The following SRGAP2 variants were observed in gnomAD, a reference collection of about 807,000 sequenced individuals.
SRGAP2 encodes the protein SLIT-ROBO Rho GTPase-activating protein 2.
In SRGAP2, 15 loss-of-function variants were observed where a neutral mutation model predicts 57.2. The observed-to-expected ratio is 0.26, with a 90% CI of 0.18 to 0.40. The LOEUF (loss-of-function observed/expected upper bound fraction) is 0.40, where lower values mean the gene tolerates loss of function less well. SRGAP2 is among the 10% of genes least tolerant of loss of function. SRGAP2 has a pLI of 1.00. For synonymous variants in SRGAP2, 249 were observed against 248.0 expected, an observed-to-expected ratio of 1.00 and a Z score of -0.04; for missense variants, 520 against 669.6, an observed-to-expected ratio of 0.78 and a Z score of 2.47.
intron 2 of SRGAP2, among the ~76,000 whole-genome samples, chr1:206,257,762 T>C (rs1278826838): frequency 6.4e-5 from 8 of 125,560 alleles, no homozygotes; most frequent in Admixed American, 5.6e-4. Flanking sequence ...ATATACTATA[T>C]ATATACATGC....
chr1:206,401,207 C>T (rs1383205836), intron 7 of SRGAP2, among the ~76,000 whole-genome samples: 9 of 152,180 alleles, frequency 5.9e-5, no homozygotes, highest in East Asian at 1.9e-4. Context: ...TCCTCCTAAC[C>T]GCCTCACAGC....
intron 21 of SRGAP2, 148 bp downstream of exon 21, chr1:206,455,172 G>A (rs1363529679): frequency 5.5e-6 from 4 of 723,528 alleles, no homozygotes; most frequent in Non-Finnish European, 7.6e-6. Context: ...CATTGCTGCT[G>A]CAAGGCGGAC....
At chr1:206,209,805 T>G (rs1666194468) in intron 2 of SRGAP2, among the ~76,000 whole-genome samples, 1 of 151,238 alleles carries the variant, frequency 6.6e-6, no homozygotes, top group Non-Finnish European at 1.5e-5. Flanking sequence ...GTATAACCTA[T>G]GTACACACGT....
intron 4 of SRGAP2, among the ~76,000 whole-genome samples, chr1:206,366,896 G>A (rs1408941193): frequency 6.9e-6 from 1 of 143,950 alleles, no homozygotes; most frequent in Non-Finnish European, 1.5e-5. Flanking sequence ...CAAGACCAAA[G>A]CAAAGAACAC....
At chr1:206,306,536 C>T (rs1483207088) in intron 3 of SRGAP2, among the ~76,000 whole-genome samples, 4 of 152,062 alleles carry the variant, frequency 2.6e-5, no homozygotes, top group Non-Finnish European at 2.9e-5. Context: ...AACCTTCCAC[C>T]GTGTGGAAGG....
At chr1:206,231,709 T>TAGTAGAGA (rs1667650311) in intron 2 of SRGAP2, among the ~76,000 whole-genome samples, 4 of 149,008 alleles carry the variant, frequency 2.7e-5, no homozygotes. Flanking sequence ...TTGTAATTTT[T>TAGTAGAGA]GTATTTTTAG....
At chr1:206,430,407 G>A (rs782084875) in intron 14 of SRGAP2, among the ~76,000 whole-genome samples, 185 bp downstream of exon 14, 6 of 152,202 alleles carry the variant, frequency 3.9e-5, no homozygotes, top group Non-Finnish European at 7.3e-5. Flanking sequence ...TGAAAGAAAT[G>A]CATCATATAT....
At chr1:206,303,896 A>T (rs1553119450) in intron 3 of SRGAP2, among the ~76,000 whole-genome samples, 12 of 137,778 alleles carry the variant, frequency 8.7e-5, no homozygotes, top group South Asian at 4.3e-4. Context: ...TCTCACACAC[A>T]CACACACACA....
intron 13 of SRGAP2, among the ~76,000 whole-genome samples, chr1:206,421,764 CG>C (rs1660334931): frequency 6.6e-6 from 1 of 152,152 alleles, no homozygotes; most frequent in Non-Finnish European, 1.5e-5. Context: ...GGTCTAGGAA[CG>C]ATAGGCAAGG....
Position 206,206,016 on chromosome 1 carries a change from G to C in SRGAP2, c.46G>C (p.Glu16Gln). 1 of 1,548,536 alleles carries C rather than the reference G, an allele frequency of 6.5e-7. No homozygotes were observed. The highest frequency in any genetic ancestry group is 8.7e-7 in the Non-Finnish European group (1 of 1,146,870). The change falls in exon 2 of 23, where the codon GAG becomes CAG. Residue 16 changes from glutamate (E) to glutamine (Q), a missense_variant. Physicochemically the swap from Glu to Gln is conservative, Grantham distance 29. Transcript: ENST00000573034. ...CAAAAAGGATAAGGAGATCATAGCA[G>C]AGTACGATACTCAGGTCAAAGGTAA... Reference protein sequence around the residue: ...KFKKDKEIIAEYDTQVKEIRA... With the variant: ...KFKKDKEIIAQYDTQVKEIRA...
chr1:206,263,308 A>C (rs1669682858), intron 2 of SRGAP2, among the ~76,000 whole-genome samples: 1 of 146,068 alleles, frequency 6.8e-6, no homozygotes, highest in Admixed American at 6.9e-5. Flanking sequence ...TCCAGTGCTT[A>C]CTCACATCTA....
intron 2 of SRGAP2, among the ~76,000 whole-genome samples, chr1:206,238,814 C>T (rs1485965051): frequency 6.6e-6 from 1 of 151,524 alleles, no homozygotes; most frequent in Non-Finnish European, 1.5e-5. Flanking sequence ...GGACATTAGA[C>T]CCTGCCTGTC....
intron 13 of SRGAP2, among the ~76,000 whole-genome samples, chr1:206,428,316 C>G (rs1229607130): frequency 6.7e-6 from 1 of 150,280 alleles, no homozygotes; most frequent in African/African-American, 2.5e-5. Flanking sequence ...ACTCGGGAAG[C>G]TGAGGCAGGA....
chr1:206,229,091 A>G (rs1667460065), intron 2 of SRGAP2, among the ~76,000 whole-genome samples: 1 of 151,966 alleles, frequency 6.6e-6, no homozygotes, highest in Admixed American at 6.6e-5. Context: ...TTAGAAGCCA[A>G]GTTTTTGTGG....
At chr1:206,247,101 C>G (rs1668543715) in intron 2 of SRGAP2, among the ~76,000 whole-genome samples, 1 of 139,994 alleles carries the variant, frequency 7.1e-6, no homozygotes, top group Non-Finnish European at 1.5e-5. Flanking sequence ...CAGCATTTCA[C>G]TTTTAATCCT....
At chr1:206,354,116 T>C (rs1676251722) in intron 4 of SRGAP2, among the ~76,000 whole-genome samples, 1 of 152,222 alleles carries the variant, frequency 6.6e-6, no homozygotes, top group Non-Finnish European at 1.5e-5. Context: ...TTGCTATTTT[T>C]AACATTGACA....
intron 8 of SRGAP2, chr1:206,404,941 GCATTGTGTTT>G (rs1338011930): frequency 8.3e-6 from 1 of 120,120 alleles, no homozygotes; most frequent in African/African-American, 3.2e-5. Context: ...CTGTGCCAAA[GCATTGTGTTT>G]CTGGAGCCGG....
At chr1:206,333,674 G>A (rs1674556379) in intron 3 of SRGAP2, among the ~76,000 whole-genome samples, 2 of 152,120 alleles carry the variant, frequency 1.3e-5, no homozygotes, top group African/African-American at 2.4e-5. Flanking sequence ...GTACAGGCAC[G>A]TGTCACCATA....
At chr1:206,351,188 ATAAG>A (rs1351156712) in intron 4 of SRGAP2, among the ~76,000 whole-genome samples, 2 of 152,054 alleles carry the variant, frequency 1.3e-5, no homozygotes, top group Non-Finnish European at 2.9e-5. Context: ...ATGGTCATAA[ATAAG>A]AAGAGGAGAA....
Sources: allele counts gnomAD v4.1 joint callset (sites outside exome capture counted in the v4.1 genomes callset), GRCh38; gene constraint gnomAD v4.1.1; transcripts MANE v1.5; gene names NCBI Gene and HGNC (gene_info 2026-07-23, HGNC 2026-07-21).